LINGO2: variants seen among roughly 807,000 people sequenced by gnomAD.
LINGO2 encodes leucine-rich repeat and immunoglobulin-like domain-containing nogo receptor-interacting protein 2.
Under a neutral mutation model 30.6 loss-of-function variants are expected in LINGO2, and 14 were observed. That is an observed-to-expected ratio of 0.46 (90% CI 0.30 to 0.72). LINGO2 has a LOEUF of 0.72. Among genes scored for constraint, LINGO2 ranks in the 30% least tolerant of loss-of-function variants. LINGO2 has a pLI of 0.07. For missense variants in LINGO2, 729 were observed against 751.7 expected (o/e 0.97, Z 0.35); for synonymous variants, 317 against 288.5 (o/e 1.10, Z -1.00).
chr9:28,097,415 G>A (rs1270877759), intron 4 of LINGO2, among the ~76,000 whole-genome samples: 3 of 146,694 alleles, frequency 2.0e-5, no homozygotes, highest in Non-Finnish European at 3.0e-5. Context: ...ATTCACAATA[G>A]CAAAGACTTG....
intron 5 of LINGO2, among the ~76,000 whole-genome samples, chr9:27,964,296 G>A (rs1197340519): frequency 1.3e-5 from 2 of 151,982 alleles, no homozygotes; most frequent in African/African-American, 4.8e-5. Context: ...ATTATTCAGT[G>A]GCTCACGCAA....
chr9:28,707,378 A>G, the LINGO2 span, among the ~76,000 whole-genome samples: 1 of 152,136 alleles, frequency 6.6e-6, no homozygotes, highest in Non-Finnish European at 1.5e-5. Context: ...TAGATAAATG[A>G]ATTCCCCTGA....
At chr9:28,567,039 C>T (rs1823419121) in intron 1 of LINGO2, among the ~76,000 whole-genome samples, 2 of 152,098 alleles carry the variant, frequency 1.3e-5, no homozygotes, top group African/African-American at 4.8e-5. Context: ...ATCCATGACT[C>T]CACACAGAAA....
intron 1 of LINGO2, among the ~76,000 whole-genome samples, chr9:28,518,913 G>A (rs56942085): frequency 0.068 from 10,379 of 152,180 alleles, 673 homozygotes; most frequent in African/African-American, 0.17. Flanking sequence ...TACTGGCCTG[G>A]ATTTATCTAA....
the LINGO2 span, among the ~76,000 whole-genome samples, chr9:28,900,298 G>T: frequency 6.6e-6 from 1 of 152,126 alleles, no homozygotes; most frequent in Non-Finnish European, 1.5e-5. Context: ...CAGACCCTAA[G>T]GACCAAAACT....
rs1004867309 is a variant in LINGO2, at chr9:28,092,022, C to T, written c.-86-79617G>A. Among the ~76,000 whole-genome samples the T allele has an allele frequency of 3.9e-5, 6 of 151,996 alleles. No homozygotes were observed. The South Asian group carries it at 8.3e-4, about 21-fold the overall frequency. On this transcript the variant is annotated intron_variant, in intron 4 of 5. Transcript: ENST00000379992. ...TACCATCTCATACCAGTTAGAATGGCGATCATTAAAAAGTCAGGAAACAAC... is the reference window on the plus strand; with the variant it reads ...TACCATCTCATACCAGTTAGAATGGTGATCATTAAAAAGTCAGGAAACAAC...
intron 4 of LINGO2, among the ~76,000 whole-genome samples, chr9:28,256,492 C>T (rs1822387827): frequency 6.6e-6 from 1 of 151,682 alleles, no homozygotes; most frequent in South Asian, 2.1e-4. Flanking sequence ...AGACAGACAT[C>T]AAACAAATAA....
intron 2 of LINGO2, among the ~76,000 whole-genome samples, chr9:28,407,265 G>A (rs150925685): frequency 6.6e-6 from 1 of 151,086 alleles, no homozygotes; most frequent in Non-Finnish European, 1.5e-5. Flanking sequence ...GAGGCAAAGA[G>A]AAAAAAAAGA....
At chr9:28,006,981 G>C (rs937451393) in intron 5 of LINGO2, among the ~76,000 whole-genome samples, 7 of 152,154 alleles carry the variant, frequency 4.6e-5, no homozygotes, top group African/African-American at 1.7e-4. Flanking sequence ...TTAGGCACCA[G>C]ACTAAGTACT....
intron 4 of LINGO2, among the ~76,000 whole-genome samples, chr9:28,276,282 T>C (rs1039266501): frequency 2.2e-4 from 33 of 152,324 alleles, no homozygotes; most frequent in African/African-American, 7.2e-4. Context: ...GTCAAAATGC[T>C]ATGCACACGT....
chr9:28,736,967 G>T, the LINGO2 span, among the ~76,000 whole-genome samples: 1 of 152,066 alleles, frequency 6.6e-6, no homozygotes. Flanking sequence ...TCCCCAAGGG[G>T]ATCATGCCCT....
intron 4 of LINGO2, among the ~76,000 whole-genome samples, chr9:28,238,629 T>C (rs1821665612): frequency 6.6e-6 from 1 of 152,054 alleles, no homozygotes; most frequent in African/African-American, 2.4e-5. Flanking sequence ...CCAAAACCTA[T>C]GTGATATGGC....
intron 4 of LINGO2, among the ~76,000 whole-genome samples, chr9:28,152,933 G>C (rs998937918): frequency 6.6e-6 from 1 of 152,056 alleles, no homozygotes; most frequent in Non-Finnish European, 1.5e-5. Context: ...AACAACTTTG[G>C]AAGAAAAGAA....
chr9:27,967,611 T>A (rs1820160332), intron 5 of LINGO2, among the ~76,000 whole-genome samples: 1 of 152,150 alleles, frequency 6.6e-6, no homozygotes, highest in Non-Finnish European at 1.5e-5. Flanking sequence ...TTATAAATTG[T>A]TTCAGAGAAG....
intron 3 of LINGO2, among the ~76,000 whole-genome samples, chr9:28,351,723 T>G (rs1380920316): frequency 4.6e-5 from 7 of 151,930 alleles, no homozygotes; most frequent in Non-Finnish European, 5.9e-5. Flanking sequence ...ACCAATATCC[T>G]TGATGAACAT....
the LINGO2 span, among the ~76,000 whole-genome samples, chr9:29,124,657 A>G: frequency 6.6e-5 from 10 of 152,228 alleles, no homozygotes; most frequent in Admixed American, 2.0e-4. Flanking sequence ...CAAACATGAA[A>G]AAAAGTTCAA....
chr9:28,077,739 A>G (rs757438460), intron 4 of LINGO2, among the ~76,000 whole-genome samples: 2 of 148,786 alleles, frequency 1.3e-5, no homozygotes, highest in Non-Finnish European at 2.9e-5. Flanking sequence ...TGTTATCTAG[A>G]GATTTTTCAA....
At chr9:29,075,308 C>A in the LINGO2 span, among the ~76,000 whole-genome samples, 3 of 152,040 alleles carry the variant, frequency 2.0e-5, no homozygotes, top group Admixed American at 6.5e-5. Flanking sequence ...AAGTGACATC[C>A]AAGGTTTAAA....
chr9:29,076,615 GATATA>G, the LINGO2 span, among the ~76,000 whole-genome samples: 12 of 135,360 alleles, frequency 8.9e-5, no homozygotes, highest in Non-Finnish European at 3.2e-5. Context: ...GTATATAATA[GATATA>G]ATAAATAAAT....
Sources: allele counts gnomAD v4.1 joint callset (sites outside exome capture counted in the v4.1 genomes callset), GRCh38; gene constraint gnomAD v4.1.1; transcripts MANE v1.5; gene names NCBI Gene and HGNC (gene_info 2026-07-23, HGNC 2026-07-21).